The following TMTC2 variants were observed in gnomAD, a reference collection of about 807,000 sequenced individuals.
The protein encoded by TMTC2 is protein O-mannosyl-transferase TMTC2.
A neutral mutation model predicts 82.4 loss-of-function variants in TMTC2; 43 were observed. The ratio of observed to expected loss-of-function variants is 0.52; its 90% confidence interval spans 0.41 to 0.67. The LOEUF is 0.67. Among genes scored for constraint, TMTC2 ranks in the 30% least tolerant of loss-of-function variants. The pLI is 0.00. For synonymous variants in TMTC2, 408 were observed against 381.9 expected, an observed-to-expected ratio of 1.07 and a Z score of -0.80; for missense variants, 919 against 1,012.4, an observed-to-expected ratio of 0.91 and a Z score of 1.25.
chr12:83,115,629 G>GT (rs1293024343), intron 11 of TMTC2, among the ~76,000 whole-genome samples: 4 of 135,824 alleles, frequency 2.9e-5, no homozygotes, highest in South Asian at 2.5e-4. Context: ...TCGGATCTAG[G>GT]TTTTCCTTTT....
intron 11 of TMTC2, among the ~76,000 whole-genome samples, chr12:83,110,679 A>G (rs1884570446): frequency 6.6e-6 from 1 of 152,214 alleles, no homozygotes; most frequent in East Asian, 1.9e-4. Context: ...TACTTTCCAG[A>G]AACTTCCCTC....
chr12:83,006,372 T>C (rs909654023), intron 8 of TMTC2, among the ~76,000 whole-genome samples: 1 of 152,204 alleles, frequency 6.6e-6, no homozygotes, highest in African/African-American at 2.4e-5. Flanking sequence ...TGGCCCTCTT[T>C]TCCCTCCTCT....
chr12:82,801,395 G>A (rs1037017514), intron 1 of TMTC2, among the ~76,000 whole-genome samples: 3 of 152,032 alleles, frequency 2.0e-5, no homozygotes, highest in Admixed American at 2.0e-4. Context: ...TGCAAAGAGC[G>A]AAAGAACAAA....
chr12:82,707,426 G>A (rs542986188), intron 1 of TMTC2, among the ~76,000 whole-genome samples: 2 of 152,276 alleles, frequency 1.3e-5, no homozygotes, highest in South Asian at 2.1e-4. Context: ...GTCATTAGCA[G>A]TGACATGAGC....
chr12:82,974,120 G>C (rs941298325), intron 7 of TMTC2, among the ~76,000 whole-genome samples: 6 of 152,090 alleles, frequency 3.9e-5, no homozygotes, highest in African/African-American at 9.7e-5. Context: ...TGTAATCCCA[G>C]CACCATGGGA....
At chr12:83,008,682 C>T (rs1880313914) in intron 8 of TMTC2, among the ~76,000 whole-genome samples, 5 of 152,084 alleles carry the variant, frequency 3.3e-5, no homozygotes, top group Admixed American at 3.3e-4. Context: ...TAATCTTTTG[C>T]CATGTCTCAT....
At chr12:82,951,633 T>C (rs1345355148) in intron 4 of TMTC2, among the ~76,000 whole-genome samples, 2 of 152,162 alleles carry the variant, frequency 1.3e-5, no homozygotes, top group Non-Finnish European at 2.9e-5. Flanking sequence ...AATTTAACCT[T>C]TTAAAGAAGG....
intron 1 of TMTC2, chr12:82,690,437 G>A (rs2136881720): frequency 2.0e-6 from 2 of 979,366 alleles, no homozygotes; most frequent in Non-Finnish European, 2.4e-6. Flanking sequence ...TACTTCTCAA[G>A]GTTATCATTT....
intron 7 of TMTC2, among the ~76,000 whole-genome samples, chr12:82,974,817 A>G (rs546787374): frequency 6.6e-6 from 1 of 152,180 alleles, no homozygotes; most frequent in Non-Finnish European, 1.5e-5. Flanking sequence ...TAATCCACTG[A>G]GTGGCGAACC....
chr12:83,112,578 T>C (rs574273891), intron 11 of TMTC2, among the ~76,000 whole-genome samples: 152 of 152,346 alleles, frequency 1.0e-3, no homozygotes, highest in African/African-American at 3.5e-3. Context: ...ACATTAAACA[T>C]TTATGAGATA....
chr12:82,867,442 G>C (rs1871924827), intron 2 of TMTC2, among the ~76,000 whole-genome samples: 1 of 152,136 alleles, frequency 6.6e-6, no homozygotes, highest in African/African-American at 2.4e-5. Context: ...AAACAGTACA[G>C]ATAACATGGG....
intron 8 of TMTC2, among the ~76,000 whole-genome samples, chr12:82,995,587 G>A (rs1019671390): frequency 6.6e-6 from 1 of 152,100 alleles, no homozygotes; most frequent in Non-Finnish European, 1.5e-5. Flanking sequence ...AATTGTACTT[G>A]CTTCAAACAC....
At chr12:83,122,970 G>A (rs1004889) in intron 11 of TMTC2, among the ~76,000 whole-genome samples, 5,608 of 152,224 alleles carry the variant, frequency 0.037, 150 homozygotes, top group Admixed American at 0.057. Context: ...ATAATTTCCG[G>A]GGTAATATTC....
At chr12:82,975,048 G>GAC (rs1251357617) in intron 7 of TMTC2, among the ~76,000 whole-genome samples, 6 of 152,124 alleles carry the variant, frequency 3.9e-5, no homozygotes, top group Non-Finnish European at 7.4e-5. Flanking sequence ...TTTCAGGGAA[G>GAC]ACAGAGAGGT....
At chr12:83,033,925 G>A (rs540435024) in intron 9 of TMTC2, among the ~76,000 whole-genome samples, 1 of 149,096 alleles carries the variant, frequency 6.7e-6, no homozygotes, top group South Asian at 2.1e-4. Context: ...CTGGTTTGGG[G>A]TTTTTGTGGT....
intron 4 of TMTC2, among the ~76,000 whole-genome samples, chr12:82,954,843 T>A (rs1877531772): frequency 6.6e-6 from 1 of 152,228 alleles, no homozygotes; most frequent in Admixed American, 6.5e-5. Flanking sequence ...GTCAGATGTA[T>A]TGTCAGAAGT....
At chr12:82,941,945 C>T (rs1423750349) in intron 4 of TMTC2, among the ~76,000 whole-genome samples, 1 of 152,062 alleles carries the variant, frequency 6.6e-6, no homozygotes, top group African/African-American at 2.4e-5. Flanking sequence ...GGGTTTTCAC[C>T]ATGTTGGCCA....
intron 1 of TMTC2, among the ~76,000 whole-genome samples, chr12:82,779,659 G>A (rs112794145): frequency 1.3e-3 from 198 of 152,268 alleles, no homozygotes; most frequent in African/African-American, 4.5e-3. Context: ...AGCACTTTGG[G>A]AGGCCGAGAC....
chr12:82,711,447 A>G (rs1873613942), intron 1 of TMTC2, among the ~76,000 whole-genome samples: 1 of 152,092 alleles, frequency 6.6e-6, no homozygotes, highest in African/African-American at 2.4e-5. Context: ...TAAAAAAAAA[A>G]ACGAAAAAGG....
Sources: gnomAD v4.1 joint callset for allele counts (sites outside exome capture counted in the v4.1 genomes callset) on GRCh38, gnomAD v4.1.1 for gene constraint, MANE v1.5 for transcripts, NCBI Gene and HGNC (gene_info 2026-07-23, HGNC 2026-07-21) for gene names.